The following MYO10 variants were observed in gnomAD, a reference collection of about 807,000 sequenced individuals.
MYO10 encodes the protein myosin X.
In MYO10, 133 loss-of-function variants were observed where a neutral mutation model predicts 257.3. The observed-to-expected ratio is 0.52, with a 90% CI of 0.45 to 0.60. MYO10 has a LOEUF of 0.60. MYO10 is among the 20% of genes least tolerant of loss of function. The pLI, the probability that MYO10 is intolerant of heterozygous loss-of-function variation, is 0.00. For missense variants in MYO10, 2,399 were observed against 2,635.7 expected, an observed-to-expected ratio of 0.91 and a Z score of 1.97; for synonymous variants, 1,104 against 1,028.6, an observed-to-expected ratio of 1.07 and a Z score of -1.40.
Position 16,792,206 on chromosome 5 carries a change from G to T in MYO10, c.467+2440C>A, listed in dbSNP as rs192892330. On this transcript the variant is annotated intron_variant, in intron 4 of 40. Transcript: ENST00000513610. ...ACAGAGACAGAGACAGAATTCAGCT[G>T]TTCATATACATGTAATCCCCATTTG... Among the ~76,000 whole-genome samples the T allele has an allele frequency of 8.6e-4, 128 of 149,020 alleles. 2 individuals carry two copies. Among genetic ancestry groups the T allele is most frequent in the African/African-American group, 3.1e-3 (126 of 40,154 alleles).
intron 1 of MYO10, among the ~76,000 whole-genome samples, chr5:16,935,569 C>T (rs987301650): frequency 2.6e-5 from 4 of 152,092 alleles, no homozygotes; most frequent in Non-Finnish European, 5.9e-5. Flanking sequence ...ACCTTCGCTA[C>T]CTCCCGGAGC....
intron 9 of MYO10, among the ~76,000 whole-genome samples, chr5:16,770,925 C>T (rs1266875044): frequency 1.3e-5 from 2 of 152,148 alleles, no homozygotes; most frequent in African/African-American, 4.8e-5. Context: ...TGCGCCACCA[C>T]GCCTGGCTAA....
rs1306380322 is a variant in MYO10, at chr5:16,711,224, C to T, written c.1951G>A (p.Ala651Thr). Reference protein sequence around the residue: ...MQKMPDQFDQAVVLNQLRYSG... With the variant: ...MQKMPDQFDQTVVLNQLRYSG... ...TACCGCAGCTGGTTCAGCACAACCG[C>T]CTGGTCAAACTGGTCTGGCATCTAA... Residue 651 changes from alanine (A) to threonine (T), a missense_variant, in exon 20 of 41, where the codon GCG (alanine) becomes ACG (threonine). Ala to Thr is a moderately conservative substitution (Grantham distance 58, BLOSUM62 0). Around this residue, in one of 3 missense-constraint regions of MYO10, gnomAD observed 1,820 missense variants for 1,939.4 expected, o/e 0.94. Coordinates refer to ENST00000513610, the MANE Select transcript of MYO10 (RefSeq NM_012334.3). The T allele has an allele frequency of 1.9e-6, 3 of 1,612,044 alleles. No homozygotes were observed. Among genetic ancestry groups the T allele is most frequent in the Non-Finnish European group, 2.5e-6 (3 of 1,179,334 alleles).
At chr5:16,857,071 G>A (rs1444955179) in intron 2 of MYO10, among the ~76,000 whole-genome samples, 1 of 152,202 alleles carries the variant, frequency 6.6e-6, no homozygotes, top group African/African-American at 2.4e-5. Context: ...GTTAGTATAT[G>A]CACAATCAAC....
intron 28 of MYO10, among the ~76,000 whole-genome samples, chr5:16,686,638 G>T (rs1355397325): frequency 6.6e-6 from 1 of 151,988 alleles, no homozygotes. Flanking sequence ...GGGTTCAAGT[G>T]ATTCTCCTGC....
At chr5:16,668,922 G>A (rs1473161376) in intron 39 of MYO10, among the ~76,000 whole-genome samples, 1 of 152,150 alleles carries the variant, frequency 6.6e-6, no homozygotes, top group Non-Finnish European at 1.5e-5. Context: ...GATCACAGAG[G>A]AAAATTCTCC....
intron 27 of MYO10, among the ~76,000 whole-genome samples, chr5:16,690,277 A>T (rs1737438413): frequency 6.6e-6 from 1 of 152,210 alleles, no homozygotes; most frequent in Non-Finnish European, 1.5e-5. Flanking sequence ...CAATGACTAC[A>T]TCCTTTTATA....
chr5:16,695,366 A>G (rs966924809), intron 26 of MYO10, among the ~76,000 whole-genome samples: 6 of 152,280 alleles, frequency 3.9e-5, no homozygotes, highest in South Asian at 2.1e-4. Flanking sequence ...ATTTCCTTCC[A>G]TATTTGGTCA....
chr5:16,792,184 G>GAGAC (rs1560987083), intron 4 of MYO10, among the ~76,000 whole-genome samples: 22 of 110,768 alleles, frequency 2.0e-4, no homozygotes, highest in African/African-American at 9.0e-4. Flanking sequence ...GAGACAGACA[G>GAGAC]AGACAGAGAC....
chr5:16,883,558 C>T (rs944125294), intron 1 of MYO10, among the ~76,000 whole-genome samples: 4 of 152,290 alleles, frequency 2.6e-5, no homozygotes, highest in Middle Eastern at 3.4e-3. Flanking sequence ...CCCTGGCCAA[C>T]GGCCTCCTGC....
At chr5:16,672,099 A>G (rs1736493238) in intron 37 of MYO10, among the ~76,000 whole-genome samples, 1 of 152,188 alleles carries the variant, frequency 6.6e-6, no homozygotes. Context: ...GTTTGGGACT[A>G]GCCTGACCAA....
At chr5:16,856,804 G>T (rs765845637) in intron 2 of MYO10, among the ~76,000 whole-genome samples, 4 of 152,130 alleles carry the variant, frequency 2.6e-5, no homozygotes, top group African/African-American at 4.8e-5. Flanking sequence ...GTTCTTAAAA[G>T]TTTCCACCCA....
At position 16,690,025 on chromosome 5, in the gene MYO10, A is replaced by G. The variant is rs1737425004; in HGVS notation, c.3801-106T>C. The G allele has an allele frequency of 6.2e-6, 5 of 804,042 alleles. No homozygotes were observed. In the East Asian group the frequency reaches 1.3e-4, roughly 21 times the overall value. 49.8% of individuals were successfully genotyped at this position (804,042 alleles called of 1,614,324 possible). A position where few individuals can be genotyped will look rare whatever the true frequency, so the allele number is the denominator to read the frequency against. On this transcript the variant is annotated intron_variant, in intron 27 of 40. Transcript: ENST00000513610. ...TGACTAGAGTTGGGAACTGTCTGTT[A>G]CTGACGAAACGGTACACAGTTGGCT... is the stretch of plus-strand genomic sequence containing the variant.
chr5:16,685,653 A>G, intron 29 of MYO10, 85 bp downstream of exon 29: 1 of 1,045,854 alleles, frequency 9.6e-7, no homozygotes, highest in Non-Finnish European at 1.4e-6. Flanking sequence ...GGAAATTCCC[A>G]ATCTTTCCCT....
chr5:16,721,354 G>C (rs1449065670), intron 19 of MYO10, among the ~76,000 whole-genome samples: 1 of 152,112 alleles, frequency 6.6e-6, no homozygotes, highest in Non-Finnish European at 1.5e-5. Flanking sequence ...CAAAAGCATC[G>C]TAACTAAAGC....
At chr5:16,710,858 C>T in intron 21 of MYO10, 50 bp downstream of exon 21, 4 of 1,505,352 alleles carry the variant, frequency 2.7e-6, no homozygotes, top group Non-Finnish European at 3.7e-6. Context: ...GAGCATCACC[C>T]CGAGATCTGT....
chr5:16,780,585 G>A lies in MYO10; in HGVS notation c.765C>T (p.Pro255=), dbSNP rs374838711. 4.7e-5 allele frequency: 74 copies of A among 1,580,008 alleles called. No individual in the cohort carries two copies. The Middle Eastern group carries it at 8.3e-4, about 18-fold the overall frequency. The part of the protein sequence containing the change: ...LEKNRVVRQN[P]GERNYHIFYA... ...AAAATATGTGATAATTCCTTTCCCC[G>A]GGATTTTGCCTTACTACTCGGTTCT... The change falls in exon 8 of 41, where the codon CCC becomes CCT. Residue 255 remains proline, a synonymous_variant. Transcript: ENST00000513610.
intron 26 of MYO10, among the ~76,000 whole-genome samples, chr5:16,698,863 T>C (rs1232432464): frequency 7.0e-6 from 1 of 143,800 alleles, no homozygotes; most frequent in Non-Finnish European, 1.5e-5. Flanking sequence ...GACCTCATGA[T>C]CCACCCGCCT....
chr5:16,671,343 T>C (rs1283770275), intron 38 of MYO10, 79 bp downstream of exon 38: 4 of 1,519,554 alleles, frequency 2.6e-6, no homozygotes, highest in Non-Finnish European at 3.6e-6. Context: ...TAAGTACCAG[T>C]TAACTTACAA....
Sources: gnomAD v4.1 joint callset for allele counts (sites outside exome capture counted in the v4.1 genomes callset) on GRCh38, gnomAD v4.1.1 for gene constraint, gnomAD v4.1.1 regional missense constraint, MANE v1.5 for transcripts, NCBI Gene and HGNC (gene_info 2026-07-23, HGNC 2026-07-21) for gene names.